The following BCKDHB variants were observed in gnomAD, a reference collection of about 807,000 sequenced individuals.
The protein encoded by BCKDHB is 2-oxoisovalerate dehydrogenase subunit beta, mitochondrial.
Under a neutral mutation model 48.5 loss-of-function variants are expected in BCKDHB, and 41 were observed. The ratio of observed to expected loss-of-function variants is 0.85; its 90% CI spans 0.66 to 1.10. BCKDHB has a LOEUF of 1.10. BCKDHB is among the 50% of genes least tolerant of loss of function. The probability of loss-of-function intolerance (pLI) is 0.00; values close to 1 mark genes in which losing one functional copy is unlikely to be tolerated. For synonymous variants in BCKDHB, 201 were observed against 174.8 expected (o/e 1.15, Z -1.18); for missense variants, 496 against 494.2 (o/e 1.00, Z -0.03).
rs187736001 is a variant in BCKDHB at position 80,341,430 on chromosome 6, A to G, written c.1039-2234A>G. On this transcript the variant is annotated intron_variant, in intron 9 of 9. Transcript: ENST00000320393. ...TGGAGTCTTCTCTCACCTCCTTGTC[A>G]TTCCCAGCCTCAAAGGGTAACCACT... Among the ~76,000 whole-genome samples, 7 of 152,328 alleles carry G rather than the reference A, an allele frequency of 4.6e-5. No individual in the cohort carries two copies. The East Asian group carries it at 1.4e-3, about 29-fold the overall frequency.
chr6:80,353,590 C>T, the BCKDHB span, among the ~76,000 whole-genome samples: 5 of 152,092 alleles, frequency 3.3e-5, no homozygotes, highest in African/African-American at 1.2e-4. Context: ...CACAGTGGCT[C>T]ACGCCTGTAA....
rs183205525 is a variant in BCKDHB at position 80,124,705 on chromosome 6, C to G, written c.197-2842C>G. On this transcript the variant is annotated intron_variant, in intron 1 of 9. Coordinates refer to ENST00000320393, the MANE Select transcript of BCKDHB (RefSeq NM_183050.4). ...AATCTTATACATCTCCGTCAGAGCG[C>G]TTGGGTGACCAAGGCGCATTGTCAA... 2.0e-4 allele frequency among the ~76,000 whole-genome samples: 30 copies of G among 152,274 alleles called. No individual in the cohort carries two copies. In the East Asian group the frequency reaches 5.4e-3, roughly 27 times the overall value.
At chr6:80,136,389 C>A (rs1770884659) in intron 3 of BCKDHB, among the ~76,000 whole-genome samples, 1 of 151,966 alleles carries the variant, frequency 6.6e-6, no homozygotes, top group Non-Finnish European at 1.5e-5. Context: ...ACAAATGATG[C>A]TGGGAAAACT....
chr6:80,246,384 A>G (rs969935837), intron 8 of BCKDHB, among the ~76,000 whole-genome samples: 3 of 152,104 alleles, frequency 2.0e-5, no homozygotes, highest in Non-Finnish European at 4.4e-5. Flanking sequence ...CTGCATTGCT[A>G]TACAACAATT....
chr6:80,295,157 A>G (rs895725426), intron 9 of BCKDHB, among the ~76,000 whole-genome samples: 1 of 152,162 alleles, frequency 6.6e-6, no homozygotes, highest in African/African-American at 2.4e-5. Context: ...TGGAAAATAG[A>G]AAGAACTACA....
intron 9 of BCKDHB, among the ~76,000 whole-genome samples, chr6:80,295,785 T>G (rs1335638931): frequency 6.6e-6 from 1 of 151,818 alleles, no homozygotes; most frequent in East Asian, 1.9e-4. Flanking sequence ...CATCAGATCT[T>G]GTGAGACTTA....
chr6:80,410,439 C>T, the BCKDHB span, among the ~76,000 whole-genome samples: 1 of 152,174 alleles, frequency 6.6e-6, no homozygotes, highest in Admixed American at 6.5e-5. Flanking sequence ...AGTTGCTCTT[C>T]TCAAGGAGTA....
intron 3 of BCKDHB, among the ~76,000 whole-genome samples, chr6:80,137,431 T>A (rs2127737147): frequency 6.6e-6 from 1 of 152,328 alleles, no homozygotes; most frequent in African/African-American, 2.4e-5. Flanking sequence ...CTCTATTTCC[T>A]ATACTGGAGT....
the BCKDHB span, among the ~76,000 whole-genome samples, chr6:80,408,120 T>G: frequency 6.6e-6 from 1 of 152,108 alleles, no homozygotes; most frequent in Admixed American, 6.6e-5. Flanking sequence ...ATCATGTGGT[T>G]TTTGTGGTTT....
At chr6:80,433,325 C>A in the BCKDHB span, among the ~76,000 whole-genome samples, 5 of 152,212 alleles carry the variant, frequency 3.3e-5, no homozygotes, top group Admixed American at 3.3e-4. Context: ...AAGTCCCCAA[C>A]TGGGGCTGCT....
At chr6:80,295,302 C>A (rs982773180) in intron 9 of BCKDHB, among the ~76,000 whole-genome samples, 2 of 152,082 alleles carry the variant, frequency 1.3e-5, no homozygotes, top group Non-Finnish European at 2.9e-5. Flanking sequence ...ACTTACACTT[C>A]CACATGGCTG....
chr6:80,209,841 A>G (rs1774837235), intron 8 of BCKDHB, among the ~76,000 whole-genome samples: 1 of 152,046 alleles, frequency 6.6e-6, no homozygotes, highest in African/African-American at 2.4e-5. Context: ...AAGGGTGCCA[A>G]TAAGAGAGTA....
At chr6:80,447,167 C>A in the BCKDHB span, among the ~76,000 whole-genome samples, 892 of 152,146 alleles carry the variant, frequency 5.9e-3, 4 homozygotes, top group Middle Eastern at 0.017. Context: ...AAAGTCCAAT[C>A]CAGAATCATC....
At chr6:80,127,325 T>G in intron 1 of BCKDHB, 1 of 512,104 alleles carries the variant, frequency 2.0e-6, no homozygotes, top group Non-Finnish European at 3.5e-6. Flanking sequence ...TTTATACTTT[T>G]ACAAAAAATT....
intron 1 of BCKDHB, among the ~76,000 whole-genome samples, chr6:80,109,749 C>A (rs1378343145): frequency 6.6e-6 from 1 of 152,144 alleles, no homozygotes; most frequent in Non-Finnish European, 1.5e-5. Flanking sequence ...ATACTATCTA[C>A]GATTATTGCA....
chr6:80,301,954 T>G (rs1767605412), intron 9 of BCKDHB, among the ~76,000 whole-genome samples: 1 of 152,136 alleles, frequency 6.6e-6, no homozygotes, highest in Admixed American at 6.5e-5. Context: ...AATTCATATC[T>G]CTTTATGATA....
the BCKDHB span, among the ~76,000 whole-genome samples, chr6:80,446,330 G>C: frequency 6.6e-6 from 1 of 152,210 alleles, no homozygotes; most frequent in Non-Finnish European, 1.5e-5. Flanking sequence ...AGCCAGGCAC[G>C]TGGGCATTGT....
At chr6:80,387,022 G>A in the BCKDHB span, among the ~76,000 whole-genome samples, 3 of 152,084 alleles carry the variant, frequency 2.0e-5, no homozygotes, top group Non-Finnish European at 4.4e-5. Context: ...AAGGGTAACT[G>A]TGCATTGGGT....
the BCKDHB span, among the ~76,000 whole-genome samples, chr6:80,401,739 C>A: frequency 6.6e-6 from 1 of 151,744 alleles, no homozygotes; most frequent in African/African-American, 2.4e-5. Flanking sequence ...CCAATTGCCC[C>A]CTTCCCCAAA....
Sources: allele counts gnomAD v4.1 joint callset (sites outside exome capture counted in the v4.1 genomes callset), GRCh38; gene constraint gnomAD v4.1.1; transcripts MANE v1.5; gene names NCBI Gene and HGNC (gene_info 2026-07-23, HGNC 2026-07-21).